LRP1B: variants seen among roughly 807,000 people sequenced by gnomAD.
The protein encoded by LRP1B is LDL receptor related protein 1B.
A neutral mutation model predicts 556.6 loss-of-function variants in LRP1B; 217 were observed. The observed-to-expected ratio is 0.39, with a 90% CI of 0.35 to 0.44. The LOEUF (loss-of-function observed/expected upper bound fraction) is 0.44. Ranked by LOEUF, LRP1B falls within the 20% of genes least tolerant of loss-of-function variation. LRP1B has a pLI of 1.00. For synonymous variants in LRP1B, 2,047 were observed against 1,865.8 expected (o/e 1.10, Z -2.50); for missense variants, 5,053 against 5,620.8 (o/e 0.90, Z 3.23).
intron 18 of LRP1B, among the ~76,000 whole-genome samples, chr2:140,963,279 C>A (rs1696093038): frequency 1.3e-5 from 2 of 151,426 alleles, no homozygotes; most frequent in South Asian, 4.2e-4. Context: ...ACATATATTC[C>A]CACTTGAGAA....
chr2:141,865,126 A>G (rs1698364052), intron 1 of LRP1B, among the ~76,000 whole-genome samples: 1 of 152,086 alleles, frequency 6.6e-6, no homozygotes, highest in Admixed American at 6.5e-5. Context: ...AAAAGAAGCA[A>G]TATTTATCTT....
At chr2:141,423,238 T>G (rs1452784643) in intron 3 of LRP1B, among the ~76,000 whole-genome samples, 1 of 150,600 alleles carries the variant, frequency 6.6e-6, no homozygotes, top group Non-Finnish European at 1.5e-5. Context: ...ATACTATACC[T>G]ATCTGAAATG....
At chr2:141,194,924 G>C (rs1366707736) in intron 6 of LRP1B, among the ~76,000 whole-genome samples, 1 of 152,058 alleles carries the variant, frequency 6.6e-6, no homozygotes, top group African/African-American at 2.4e-5. Flanking sequence ...GACTGCTTGT[G>C]ATGTGCATGT....
At chr2:140,386,700 T>A (rs1234651242) in intron 66 of LRP1B, among the ~76,000 whole-genome samples, 1 of 152,242 alleles carries the variant, frequency 6.6e-6, no homozygotes, top group Admixed American at 6.5e-5. Flanking sequence ...AAATTTTCAC[T>A]ATTATTAAAT....
In LRP1B at chr2:140,662,219, C is replaced by T. The variant is rs183265463; in HGVS notation, c.6799+38031G>A. Among the ~76,000 whole-genome samples, 11 of 152,028 alleles carry T rather than the reference C, an allele frequency of 7.2e-5. 1 individual carries two copies. In the East Asian group the frequency reaches 2.1e-3, roughly 29 times the overall value. On this transcript the variant is annotated intron_variant, in intron 41 of 90. Transcript: ENST00000389484. ...TATTAAAAGGAAAAATTCCAGTTCA[C>T]TTGACTACATTTGTATGAGGTATTT...
intron 2 of LRP1B, among the ~76,000 whole-genome samples, chr2:141,790,714 C>T (rs560549963): frequency 6.6e-6 from 1 of 151,926 alleles, no homozygotes; most frequent in East Asian, 1.9e-4. Context: ...GGTAACAAAC[C>T]AGTCCATATT....
intron 2 of LRP1B, among the ~76,000 whole-genome samples, chr2:141,563,231 G>A (rs147704037): frequency 9.2e-5 from 14 of 152,106 alleles, no homozygotes; most frequent in Non-Finnish European, 1.5e-4. Flanking sequence ...TACGGTAGCC[G>A]ACATCCAGAT....
intron 2 of LRP1B, among the ~76,000 whole-genome samples, chr2:141,596,719 A>C (rs960679592): frequency 1.3e-5 from 2 of 152,074 alleles, no homozygotes; most frequent in Admixed American, 1.3e-4. Context: ...ACTTCAGTGC[A>C]AAGCACAGAA....
intron 1 of LRP1B, among the ~76,000 whole-genome samples, chr2:142,027,303 G>GTT (rs142229924): frequency 6.8e-6 from 1 of 147,816 alleles, no homozygotes; most frequent in Non-Finnish European, 1.5e-5. Context: ...TTTAGAGGTT[G>GTT]TTTTTTTTTT....
At chr2:140,404,168 C>CTTTTT (rs68017900) in intron 66 of LRP1B, among the ~76,000 whole-genome samples, 115 of 92,426 alleles carry the variant, frequency 1.2e-3, no homozygotes, top group Non-Finnish European at 1.6e-3. Flanking sequence ...AATAGAACTT[C>CTTTTT]TTTTTTTTTT....
intron 18 of LRP1B, among the ~76,000 whole-genome samples, chr2:140,966,476 A>G (rs185951680): frequency 0.11 from 16,952 of 152,058 alleles, 1,023 homozygotes; most frequent in East Asian, 0.19. Context: ...AGATTGCAAA[A>G]ATTTTCTCCC....
intron 1 of LRP1B, among the ~76,000 whole-genome samples, chr2:142,071,774 C>T (rs1182831819): frequency 1.3e-5 from 2 of 151,958 alleles, no homozygotes; most frequent in Non-Finnish European, 2.9e-5. Flanking sequence ...CAGAGAATAA[C>T]CACTTCCACC....
chr2:141,551,602 T>C (rs2105230535), intron 2 of LRP1B, among the ~76,000 whole-genome samples: 1 of 152,198 alleles, frequency 6.6e-6, no homozygotes, highest in East Asian at 1.9e-4. Flanking sequence ...TTACCTTCCT[T>C]GGAATATATT....
chr2:140,320,582 C>T (rs1005325355), intron 82 of LRP1B, among the ~76,000 whole-genome samples: 13 of 150,318 alleles, frequency 8.6e-5, no homozygotes, highest in South Asian at 4.2e-4. Flanking sequence ...GATTTTGGAG[C>T]GCTACATTTT....
intron 41 of LRP1B, among the ~76,000 whole-genome samples, chr2:140,689,996 C>T (rs1686181891): frequency 6.6e-6 from 1 of 151,960 alleles, no homozygotes; most frequent in Admixed American, 6.6e-5. Flanking sequence ...CTTTCCATCC[C>T]AAAATATACA....
chr2:141,360,931 T>C (rs1331989264), intron 3 of LRP1B, among the ~76,000 whole-genome samples: 1 of 152,212 alleles, frequency 6.6e-6, no homozygotes, highest in Non-Finnish European at 1.5e-5. Flanking sequence ...AATTGAAATA[T>C]CTAGTCTTTT....
intron 60 of LRP1B, among the ~76,000 whole-genome samples, chr2:140,466,561 T>A (rs1687557554): frequency 6.6e-6 from 1 of 152,186 alleles, no homozygotes; most frequent in Admixed American, 6.5e-5. Context: ...TAAACAATTT[T>A]GCTCACAAAA....
In LRP1B at chr2:141,423,290, C is replaced by CCTTTT. The variant is rs1321976263; in HGVS notation, c.343+57105_343+57106insAAAAG. ...CCCTCTCACTAGGCAACAGCCAGAG[C>CCTTTT]TTTTTTTTTTTTTTTTTTTTTTTTT... On this transcript the variant is annotated intron_variant, in intron 3 of 90. Transcript: ENST00000389484. Among the ~76,000 whole-genome samples the CCTTTT allele has an allele frequency of 7.3e-5, 5 of 68,376 alleles. 1 individual carries two copies. Among genetic ancestry groups the CCTTTT allele is most frequent in the African/African-American group, 1.5e-4 (3 of 19,412 alleles). The allele number at this position is 68,376 out of a possible 152,430, so 44.9% of individuals were successfully genotyped here.
At chr2:140,595,398 AT>A (rs1682401772) in intron 43 of LRP1B, among the ~76,000 whole-genome samples, 1 of 151,930 alleles carries the variant, frequency 6.6e-6, no homozygotes, top group Non-Finnish European at 1.5e-5. Flanking sequence ...GGTCCCATTT[AT>A]AAAAGAACAC....
Sources: allele counts gnomAD v4.1 joint callset (sites outside exome capture counted in the v4.1 genomes callset), GRCh38; gene constraint gnomAD v4.1.1; transcripts MANE v1.5; gene names NCBI Gene and HGNC (gene_info 2026-07-23, HGNC 2026-07-21).